SYNE2: variants seen among roughly 807,000 people sequenced by gnomAD.
The protein encoded by SYNE2 is nesprin-2.
SYNE2 carries 431 observed loss-of-function variants against 856.3 expected under a neutral mutation model. That is an observed-to-expected ratio of 0.50 (90% CI 0.47 to 0.55). The LOEUF is 0.55. SYNE2 is among the 20% of genes least tolerant of loss of function. The pLI is 0.00. For synonymous variants in SYNE2, 2,923 were observed against 2,872.3 expected, an observed-to-expected ratio of 1.02 and a Z score of -0.56; for missense variants, 8,129 against 8,023.2, an observed-to-expected ratio of 1.01 and a Z score of -0.50.
intron 96 of SYNE2, among the ~76,000 whole-genome samples, chr14:64,181,245 G>A (rs1370906188): frequency 6.6e-6 from 1 of 152,196 alleles, no homozygotes; most frequent in Non-Finnish European, 1.5e-5. Context: ...TGGTGGTGAT[G>A]TGTCAGTCAG....
At chr14:64,184,022 G>T (rs1314796805) in intron 96 of SYNE2, among the ~76,000 whole-genome samples, 1 of 151,810 alleles carries the variant, frequency 6.6e-6, no homozygotes, top group African/African-American at 2.4e-5. Context: ...TTTAAAGACA[G>T]GCATGATTGT....
At chr14:64,031,962 C>T (rs1015704697) in intron 45 of SYNE2, among the ~76,000 whole-genome samples, 5 of 152,144 alleles carry the variant, frequency 3.3e-5, no homozygotes, top group Middle Eastern at 6.3e-3. Flanking sequence ...AAATGGGAAT[C>T]GCACAAAGAG....
Position 64,223,345 on chromosome 14 carries a change from G to A in SYNE2, c.20347G>A (p.Val6783Met). 6.2e-7 allele frequency: 1 copy of A among 1,614,154 alleles called. No homozygotes were observed. Among genetic ancestry groups the A allele is most frequent in the Middle Eastern group, 1.6e-4 (1 of 6,062 alleles). ...GAAACTCAAACAGTTACGGGAGCAA[G>A]TGTCCCAAGATTTAATGGCCTTGCA... The part of the protein sequence containing the change: ...EKKLKQLREQ[V>M]SQDLMALQGT... The change falls in exon 113 of 116, where the codon GTG becomes ATG. Residue 6783 changes from valine (V) to methionine (M), a missense_variant. Val to Met is a conservative substitution (Grantham distance 21). Transcript: ENST00000555002.
chr14:63,999,058 T>C lies in SYNE2; in HGVS notation c.3480+18T>C. On this transcript the variant is annotated intron_variant, in intron 27 of 115. Transcript: ENST00000555002. The stretch of plus-strand genomic sequence containing the variant: ...ATCTACAGGTAATTACCAAAAATAT[T>C]ATTTCTCTGATTATCTTGTTTATTA... The C allele has an allele frequency of 4.3e-6, 7 of 1,611,570 alleles. No homozygotes were observed. Among genetic ancestry groups the C allele is most frequent in the Non-Finnish European group, 5.9e-6 (7 of 1,177,916 alleles).
At chr14:63,956,208 C>A (rs1020701066) in intron 8 of SYNE2, among the ~76,000 whole-genome samples, 3 of 152,152 alleles carry the variant, frequency 2.0e-5, no homozygotes, top group Non-Finnish European at 4.4e-5. Flanking sequence ...TGTGCAGTCA[C>A]TGAACACAGA....
intron 1 of SYNE2, among the ~76,000 whole-genome samples, chr14:63,827,015 C>T (rs888092506): frequency 2.0e-5 from 3 of 152,086 alleles, no homozygotes; most frequent in East Asian, 1.9e-4. Flanking sequence ...CGGTAGCTCA[C>T]GGCTGTAATC....
rs1268418666 is a variant in SYNE2 at position 63,974,851 on chromosome 14, CATGTGTGT to C, written c.1129-1711_1129-1704del. ...GTATATAGACGTGTGTGTGTGTGTA[CATGTGTGT>C]GTGTGTGTGTGTGTGTGTGTGTGTG... On this transcript the variant is annotated intron_variant, in intron 11 of 115. Transcript: ENST00000555002. Among the ~76,000 whole-genome samples, 67 of 52,758 alleles carry C rather than the reference CATGTGTGT, an allele frequency of 1.3e-3. 2 individuals are homozygous for C. The highest frequency in any genetic ancestry group is 0.012 in the Middle Eastern group (1 of 84). 34.6% of individuals were successfully genotyped at this position (52,758 alleles called of 152,430 possible). A position where few individuals can be genotyped will look rare whatever the true frequency, so the allele number is the denominator to read the frequency against.
Position 63,990,523 on chromosome 14 carries a change from C to T in SYNE2, c.2426C>T (p.Thr809Ile), listed in dbSNP as rs776303457. The change falls in exon 20 of 116, where the codon ACA becomes ATA. Residue 809 changes from threonine (T) to isoleucine (I), a missense_variant. Physicochemically the swap from Thr to Ile is moderately conservative, Grantham distance 89. Around this residue, in one of 3 missense-constraint regions of SYNE2, gnomAD observed 2,422 missense variants for 2,357.4 expected, o/e 1.03. Coordinates refer to ENST00000555002, the MANE Select transcript of SYNE2 (RefSeq NM_182914.3). The stretch of plus-strand genomic sequence containing the variant: ...CAGGAGTCCTTTCAACATGTTCTCA[C>T]AACTGGGCTTCAGGCAAAGATTCAA... ...SSQESFQHVL[T>I]TGLQAKIQEA... is the part of the protein sequence containing the mutation. The T allele has an allele frequency of 5.0e-6, 8 of 1,613,852 alleles. No individual in the cohort carries two copies. The Admixed American group carries it at 1.3e-4, about 27-fold the overall frequency.
Position 64,003,259 on chromosome 14 carries a change from T to A in SYNE2, c.4326T>A (p.Asn1442Lys). The part of the protein sequence containing the change: ...CIFKNNELLK[N>K]IQDVQSQISK... ...TCAAAAATAATGAACTCCTTAAAAA[T>A]ATTCAAGATGTGCAGAGTCAAATCA... The change falls in exon 30 of 116, where the codon AAT (asparagine) becomes AAA (lysine). Residue 1442 changes from asparagine to lysine, a missense_variant. This residue lies in a region of SYNE2 where 2,422 missense variants were observed against 2,357.4 expected (regional missense o/e 1.03). Transcript: ENST00000555002. The A allele has an allele frequency of 6.2e-7, 1 of 1,613,914 alleles. No individual in the cohort carries two copies. The highest frequency in any genetic ancestry group is 8.5e-7 in the Non-Finnish European group (1 of 1,179,986).
chr14:63,880,993 A>T (rs1236744184), intron 1 of SYNE2, among the ~76,000 whole-genome samples: 1 of 151,914 alleles, frequency 6.6e-6, no homozygotes, highest in Non-Finnish European at 1.5e-5. Context: ...GATTACAGGA[A>T]TGTACCACCA....
intron 1 of SYNE2, among the ~76,000 whole-genome samples, chr14:63,784,523 A>G (rs1486150160): frequency 8.1e-6 from 1 of 123,104 alleles, no homozygotes; most frequent in Non-Finnish European, 1.8e-5. Flanking sequence ...ACAAACAAAC[A>G]AACAATTTTT....
At chr14:63,887,838 C>T (rs543506885) in intron 1 of SYNE2, among the ~76,000 whole-genome samples, 4 of 149,928 alleles carry the variant, frequency 2.7e-5, no homozygotes, top group South Asian at 2.1e-4. Context: ...CTACAGCTTC[C>T]GCCTCCTGGG....
intron 22 of SYNE2, 131 bp downstream of exon 22, chr14:63,994,100 G>A (rs1215650475): frequency 1.2e-5 from 11 of 896,364 alleles, no homozygotes; most frequent in Non-Finnish European, 1.9e-5. Flanking sequence ...GCAGGCTGAA[G>A]TCCCAGGGTT....
chr14:63,976,753 A>G (rs760887905), intron 12 of SYNE2, 26 bp downstream of exon 12: 1 of 1,605,972 alleles, frequency 6.2e-7, no homozygotes, highest in East Asian at 2.2e-5. Flanking sequence ...AAAGAGATGT[A>G]GGAAAATACA....
At chr14:64,098,872 A>C (rs759541652) in intron 63 of SYNE2, 51 bp downstream of exon 63, 2 of 1,563,928 alleles carry the variant, frequency 1.3e-6, no homozygotes, top group South Asian at 2.3e-5. Context: ...GATCTCTAAA[A>C]GAAGTCAATG....
At chr14:63,947,254 C>G (rs907814323) in intron 6 of SYNE2, among the ~76,000 whole-genome samples, 1 of 152,098 alleles carries the variant, frequency 6.6e-6, no homozygotes, top group African/African-American at 2.4e-5. Flanking sequence ...GGAACTGTTC[C>G]ATAGCTACAT....
chr14:63,870,310 AT>A (rs1174902911), intron 1 of SYNE2, among the ~76,000 whole-genome samples: 12 of 149,874 alleles, frequency 8.0e-5, no homozygotes, highest in Non-Finnish European at 1.8e-4. Context: ...GCTTTACAAA[AT>A]TAGCCCTAAC....
intron 2 of SYNE2, among the ~76,000 whole-genome samples, chr14:63,931,297 A>G (rs1053968917): frequency 1.3e-5 from 2 of 152,164 alleles, no homozygotes; most frequent in African/African-American, 4.8e-5. Flanking sequence ...CACGCCTGTA[A>G]TCCCAGCACT....
chr14:64,137,376 A>G (rs1388301102), intron 78 of SYNE2, among the ~76,000 whole-genome samples: 3 of 152,018 alleles, frequency 2.0e-5, no homozygotes, highest in South Asian at 2.1e-4. Flanking sequence ...CAGCCTCCCA[A>G]GTAGCTGGGA....
Sources: allele counts gnomAD v4.1 joint callset (sites outside exome capture counted in the v4.1 genomes callset), GRCh38; gene constraint gnomAD v4.1.1; regional missense constraint gnomAD v4.1.1; transcripts MANE v1.5; gene names NCBI Gene and HGNC (gene_info 2026-07-23, HGNC 2026-07-21).